ATP2C1: variants seen among roughly 807,000 people sequenced by gnomAD.
ATP2C1 encodes ATPase secretory pathway Ca2+ transporting 1, also known as calcium-transporting ATPase type 2C member 1.
A neutral mutation model predicts 120.5 loss-of-function variants in ATP2C1; 31 were observed. The observed-to-expected ratio is 0.26, with a 90% CI of 0.19 to 0.35. The LOEUF is 0.35. Among genes scored for constraint, ATP2C1 ranks in the 10% least tolerant of loss-of-function variants. The pLI, the probability that ATP2C1 is intolerant of heterozygous loss-of-function variation, is 1.00. For missense variants in ATP2C1, 731 were observed against 1,107.5 expected, an observed-to-expected ratio of 0.66 and a Z score of 4.83; for synonymous variants, 351 against 358.7, an observed-to-expected ratio of 0.98 and a Z score of 0.24.
chr3:130,948,748 G>C (rs909001481), intron 8 of ATP2C1, among the ~76,000 whole-genome samples: 2 of 152,128 alleles, frequency 1.3e-5, no homozygotes, highest in African/African-American at 4.8e-5. Flanking sequence ...TGTCAGGCAA[G>C]TCTGTTGGCA....
intron 1 of ATP2C1, among the ~76,000 whole-genome samples, chr3:130,877,933 A>G (rs11710443): frequency 0.023 from 3,532 of 152,240 alleles, 158 homozygotes; most frequent in East Asian, 0.21. Context: ...TGTGGCACAT[A>G]TACACCATGG....
At chr3:131,013,634 TCTAA>T (rs1196353215) in intron 26 of ATP2C1, among the ~76,000 whole-genome samples, 1 of 152,224 alleles carries the variant, frequency 6.6e-6, no homozygotes, top group Admixed American at 6.5e-5. Context: ...CATCCTCACT[TCTAA>T]CTTTCATTGG....
chr3:130,903,707 CTTTCCTTT>C (rs1337895625), intron 2 of ATP2C1, among the ~76,000 whole-genome samples: 134 of 147,604 alleles, frequency 9.1e-4, no homozygotes, highest in African/African-American at 3.2e-3. Flanking sequence ...TTCCCCTTTC[CTTTCCTTT>C]CCTTTCCTTT....
chr3:130,924,406 T>C (rs1235418748), intron 2 of ATP2C1, among the ~76,000 whole-genome samples: 2 of 152,228 alleles, frequency 1.3e-5, no homozygotes, highest in Non-Finnish European at 2.9e-5. Context: ...AGGACCCCAG[T>C]CCCTTCTAGC....
chr3:131,016,348 A>G (rs771659407), exon 27 of ATP2C1: 1 of 1,614,184 alleles, frequency 6.2e-7, no homozygotes, highest in Non-Finnish European at 8.5e-7. Context: ...ACCTAAATAA[A>G]GAAACAGCCC....
intron 6 of ATP2C1, among the ~76,000 whole-genome samples, chr3:130,939,538 A>G (rs2059807405): frequency 1.3e-5 from 2 of 152,202 alleles, no homozygotes; most frequent in African/African-American, 4.8e-5. Context: ...AGTAGAGGCT[A>G]AGAAACCAGA....
At chr3:130,978,665 C>A (rs953000434) in intron 18 of ATP2C1, among the ~76,000 whole-genome samples, 2 of 152,136 alleles carry the variant, frequency 1.3e-5, no homozygotes, top group African/African-American at 4.8e-5. Context: ...GTAAAAGAAT[C>A]CAAACTATTG....
intron 8 of ATP2C1, among the ~76,000 whole-genome samples, chr3:130,943,565 T>TTTA (rs1331469593): frequency 4.6e-5 from 7 of 152,266 alleles, no homozygotes; most frequent in Admixed American, 3.3e-4. Context: ...TGTGGAGTAA[T>TTTA]TTATTAGTTA....
At chr3:130,975,080 A>G (rs1028197794) in intron 17 of ATP2C1, among the ~76,000 whole-genome samples, 7 of 152,234 alleles carry the variant, frequency 4.6e-5, no homozygotes, top group African/African-American at 1.2e-4. Flanking sequence ...CACATTTCAG[A>G]GTGCCAAATT....
intron 11 of ATP2C1, among the ~76,000 whole-genome samples, chr3:130,959,058 G>T (rs1319389168): frequency 6.6e-6 from 1 of 152,112 alleles, no homozygotes; most frequent in African/African-American, 2.4e-5. Flanking sequence ...TGGTGTGTGT[G>T]TGCACACATG....
intron 1 of ATP2C1, among the ~76,000 whole-genome samples, chr3:130,878,788 C>T (rs896011265): frequency 2.6e-5 from 4 of 152,134 alleles, no homozygotes; most frequent in African/African-American, 4.8e-5. Flanking sequence ...TGACTTGATG[C>T]TTATCTCTTG....
At chr3:130,961,570 A>T (rs540348080) in intron 12 of ATP2C1, among the ~76,000 whole-genome samples, 2 of 152,098 alleles carry the variant, frequency 1.3e-5, no homozygotes, top group African/African-American at 4.8e-5. Context: ...TGATGGAATC[A>T]TTGAGAAGGT....
At chr3:130,885,708 C>T (rs780334328) in intron 1 of ATP2C1, among the ~76,000 whole-genome samples, 31 of 152,010 alleles carry the variant, frequency 2.0e-4, no homozygotes, top group Non-Finnish European at 8.8e-5. Flanking sequence ...GAAAAGTTGT[C>T]GTTATCATTT....
At chr3:130,876,000 T>C (rs544286119) in intron 1 of ATP2C1, among the ~76,000 whole-genome samples, 36 of 152,168 alleles carry the variant, frequency 2.4e-4, no homozygotes, top group African/African-American at 8.4e-4. Flanking sequence ...GAGCTGTTGG[T>C]TTTTTTCAGT....
At chr3:130,955,586 C>T (rs149814910) in intron 10 of ATP2C1, among the ~76,000 whole-genome samples, 2 of 152,236 alleles carry the variant, frequency 1.3e-5, no homozygotes, top group Admixed American at 6.5e-5. Flanking sequence ...CGTGTTCTCC[C>T]CAAATCCTCT....
In ATP2C1 at chr3:131,015,587, T is replaced by C. The variant is rs78527157; in HGVS notation, c.2630-565T>C. On this transcript the variant is annotated intron_variant, in intron 26 of 26. Coordinates refer to the ATP2C1 transcript ENST00000328560. ...CCTAGGTTAAGTTCACTTGGGCATC[T>C]ACTCATCATCTCACTTAGAATGAAA... 8.6e-3 allele frequency among the ~76,000 whole-genome samples: 1,309 copies of C among 152,314 alleles called. 21 individuals carry two copies. Among genetic ancestry groups the C allele is most frequent in the African/African-American group, 0.03 (1,244 of 41,562 alleles).
intron 2 of ATP2C1, among the ~76,000 whole-genome samples, chr3:130,897,117 C>T (rs528370949): frequency 6.6e-6 from 1 of 152,272 alleles, no homozygotes; most frequent in South Asian, 2.1e-4. Flanking sequence ...TTAATATTGT[C>T]ATGACAGTTA....
intron 27 of ATP2C1, 55 bp from the exon 28 acceptor site, chr3:131,001,165 C>T (rs2062870605): frequency 1.6e-6 from 2 of 1,285,978 alleles, no homozygotes; most frequent in Admixed American, 3.5e-5. Flanking sequence ...AGCTATTAAG[C>T]TTTGCAACTG....
intron 1 of ATP2C1, among the ~76,000 whole-genome samples, chr3:130,888,664 A>G (rs938710594): frequency 6.6e-6 from 1 of 152,148 alleles, no homozygotes; most frequent in African/African-American, 2.4e-5. Context: ...CCCTCCCCCA[A>G]GTGCATATAC....
Sources: allele counts gnomAD v4.1 joint callset (sites outside exome capture counted in the v4.1 genomes callset), GRCh38; gene constraint gnomAD v4.1.1; transcripts MANE v1.5; gene names NCBI Gene and HGNC (gene_info 2026-07-23, HGNC 2026-07-21).